AOPEP: variants seen among roughly 807,000 people sequenced by gnomAD.
AOPEP encodes the protein aminopeptidase O.
Under a neutral mutation model 98.1 loss-of-function variants are expected in AOPEP, and 77 were observed. The ratio of observed to expected loss-of-function variants is 0.78; its 90% confidence interval spans 0.65 to 0.95. AOPEP has a LOEUF of 0.95. Among genes scored for constraint, AOPEP ranks in the 40% least tolerant of loss-of-function variants. The pLI is 0.00. For missense variants in AOPEP, 1,024 were observed against 1,024.7 expected, an observed-to-expected ratio of 1.00 and a Z score of 0.01; for synonymous variants, 346 against 365.3, an observed-to-expected ratio of 0.95 and a Z score of 0.60.
chr9:94,752,924 G>A (rs780055823), intron 1 of AOPEP, among the ~76,000 whole-genome samples: 7 of 152,152 alleles, frequency 4.6e-5, no homozygotes, highest in Non-Finnish European at 1.0e-4. Context: ...GCTCGTGCTG[G>A]GGGCTGCCAG....
intron 3 of AOPEP, among the ~76,000 whole-genome samples, chr9:94,779,053 G>A (rs1281835608): frequency 1.3e-5 from 2 of 151,818 alleles, no homozygotes; most frequent in Non-Finnish European, 2.9e-5. Flanking sequence ...CACATTTATT[G>A]TATATGTGCG....
chr9:95,129,781 C>T, the AOPEP span, among the ~76,000 whole-genome samples: 5 of 152,078 alleles, frequency 3.3e-5, no homozygotes, highest in Non-Finnish European at 7.4e-5. Flanking sequence ...TCCTTATCTC[C>T]CCCCTCAGGC....
chr9:94,920,744 G>T (rs1017352993), intron 5 of AOPEP, among the ~76,000 whole-genome samples: 1 of 152,180 alleles, frequency 6.6e-6, no homozygotes, highest in African/African-American at 2.4e-5. Context: ...AATCTGGGTG[G>T]GTAGGTAGTG....
the AOPEP span, among the ~76,000 whole-genome samples, chr9:95,140,000 T>C: frequency 6.6e-6 from 1 of 151,964 alleles, no homozygotes; most frequent in Non-Finnish European, 1.5e-5. Context: ...TTCTCTATAA[T>C]GGTTCCATCC....
intron 5 of AOPEP, among the ~76,000 whole-genome samples, chr9:94,889,168 AT>A (rs1032549916): frequency 4.6e-5 from 7 of 152,020 alleles, no homozygotes; most frequent in African/African-American, 1.7e-4. Context: ...TAATTTTTGT[AT>A]TTTTAGTAGA....
chr9:94,938,473 G>T (rs1048540468), intron 7 of AOPEP, among the ~76,000 whole-genome samples: 1 of 152,194 alleles, frequency 6.6e-6, no homozygotes, highest in Admixed American at 6.5e-5. Flanking sequence ...GGCTACAGGG[G>T]GATGTGAGGC....
At position 94,978,390 on chromosome 9, in the gene AOPEP, C is replaced by CA. The variant is rs572303185; in HGVS notation, c.1917-967dup. On this transcript the variant is annotated intron_variant, in intron 10 of 16. Coordinates refer to ENST00000375315, the MANE Select transcript of AOPEP (RefSeq NM_001193329.3). ...ACAATTAAATGTGCGTTCATTCATTCAAAAAAAAAATGAGGATCCTCTTTC... is the reference window on the plus strand; with the variant it reads ...ACAATTAAATGTGCGTTCATTCATTCAAAAAAAAAAATGAGGATCCTCTTTC... Among the ~76,000 whole-genome samples, 547 of 146,132 alleles carry CA rather than the reference C, an allele frequency of 3.7e-3. 2 individuals carry two copies. Among genetic ancestry groups the CA allele is most frequent in the South Asian group, 0.014 (66 of 4,588 alleles).
intron 5 of AOPEP, among the ~76,000 whole-genome samples, chr9:94,807,334 T>G (rs994374121): frequency 3.3e-5 from 5 of 152,182 alleles, no homozygotes; most frequent in Admixed American, 3.3e-4. Flanking sequence ...TGCTTAAGTG[T>G]TTGGTTTTCT....
At position 94,743,202 on chromosome 9, in the gene AOPEP, G is replaced by GGAAGAA. The variant is rs1335996260; in HGVS notation, c.-135-16444_-135-16439dup. The stretch of plus-strand genomic sequence containing the variant: ...AAGAAGAAGAAGAAGAAGAAGAAGA[G>GGAAGAA]GAAGAAGAGGAAGAAGAGGAAGAAG... On this transcript the variant is annotated intron_variant, in intron 1 of 16. Coordinates refer to ENST00000375315, the MANE Select transcript of AOPEP (RefSeq NM_001193329.3). 3.6e-4 allele frequency among the ~76,000 whole-genome samples: 41 copies of GGAAGAA among 112,864 alleles called. No individual in the cohort carries two copies. In the East Asian group the frequency reaches 4.2e-3, roughly 11 times the overall value. 74.0% of individuals were successfully genotyped at this position (112,864 alleles called of 152,430 possible). A position where few individuals can be genotyped will look rare whatever the true frequency, so the allele number is the denominator to read the frequency against.
chr9:94,902,325 C>T (rs1415552077), intron 5 of AOPEP, among the ~76,000 whole-genome samples: 1 of 152,162 alleles, frequency 6.6e-6, no homozygotes, highest in East Asian at 1.9e-4. Flanking sequence ...TGCCTCAGCT[C>T]AGCAAACTGA....
chr9:94,924,255 GAC>G, intron 6 of AOPEP, 80 bp downstream of exon 6: 2 of 1,200,662 alleles, frequency 1.7e-6, no homozygotes, highest in South Asian at 5.3e-5. Context: ...AACAGCTATG[GAC>G]TGAGGGCCTA....
chr9:95,059,523 G>T (rs1451429004), intron 13 of AOPEP, among the ~76,000 whole-genome samples: 1 of 149,562 alleles, frequency 6.7e-6, no homozygotes, highest in Admixed American at 6.7e-5. Context: ...ATATGTGTGT[G>T]TGAATGAGTG....
chr9:94,840,692 A>G (rs896402205), intron 5 of AOPEP, among the ~76,000 whole-genome samples: 4 of 152,068 alleles, frequency 2.6e-5, no homozygotes, highest in African/African-American at 9.7e-5. Flanking sequence ...AGGACTATTT[A>G]TGCTGTCTCT....
chr9:94,745,079 A>G (rs1319809790), intron 1 of AOPEP, among the ~76,000 whole-genome samples: 1 of 152,130 alleles, frequency 6.6e-6, no homozygotes, highest in African/African-American at 2.4e-5. Flanking sequence ...TGTTACGAAT[A>G]TTCCAATCAT....
intron 5 of AOPEP, among the ~76,000 whole-genome samples, chr9:94,869,596 AT>A (rs2135578500): frequency 6.6e-6 from 1 of 152,324 alleles, no homozygotes; most frequent in African/African-American, 2.4e-5. Context: ...CCCACATAGA[AT>A]GGGGTTGGTA....
At chr9:95,125,968 T>G in the AOPEP span, among the ~76,000 whole-genome samples, 1 of 152,242 alleles carries the variant, frequency 6.6e-6, no homozygotes, top group African/African-American at 2.4e-5. Flanking sequence ...GCCAGCCACA[T>G]CTCAGCTTCA....
intron 5 of AOPEP, among the ~76,000 whole-genome samples, chr9:94,830,917 ATTTG>A (rs1855828600): frequency 6.6e-6 from 1 of 152,058 alleles, no homozygotes; most frequent in Non-Finnish European, 1.5e-5. Flanking sequence ...TTTCTTGTAA[ATTTG>A]TTTAAGTTCC....
intron 5 of AOPEP, among the ~76,000 whole-genome samples, chr9:94,816,404 C>A (rs80277442): frequency 6.6e-6 from 1 of 152,228 alleles, no homozygotes; most frequent in East Asian, 1.9e-4. Flanking sequence ...GAAATTCGTC[C>A]TGAATTTAGT....
intron 5 of AOPEP, among the ~76,000 whole-genome samples, chr9:94,823,863 G>A (rs1258947251): frequency 6.6e-6 from 1 of 152,156 alleles, no homozygotes; most frequent in African/African-American, 2.4e-5. Flanking sequence ...ATCACTTTGT[G>A]GAAGCCATGC....
Sources: gnomAD v4.1 joint callset for allele counts (sites outside exome capture counted in the v4.1 genomes callset) on GRCh38, gnomAD v4.1.1 for gene constraint, MANE v1.5 for transcripts, NCBI Gene and HGNC (gene_info 2026-07-23, HGNC 2026-07-21) for gene names.